Variants in APLF observed in about 807,000 individuals in gnomAD.
The protein encoded by APLF is aprataxin and PNKP like factor.
In APLF, 61 loss-of-function variants were observed where a neutral mutation model predicts 55.6. That is an observed-to-expected ratio of 1.10 (90% CI 0.89 to 1.36). The LOEUF is 1.36. Among genes scored for constraint, APLF ranks in the 40% most tolerant of loss-of-function variants. The pLI, the probability that APLF is intolerant of heterozygous loss-of-function variation, is 0.00. For synonymous variants in APLF, 207 were observed against 214.8 expected, an observed-to-expected ratio of 0.96 and a Z score of 0.32; for missense variants, 611 against 602.5, an observed-to-expected ratio of 1.01 and a Z score of -0.15.
rs1676069273 is a variant in APLF at position 68,484,614 on chromosome 2, C to A, written c.97-5576C>A. 3.3e-5 allele frequency among the ~76,000 whole-genome samples: 5 copies of A among 151,656 alleles called. No homozygotes were observed. The South Asian group carries it at 1.0e-3, about 32-fold the overall frequency. On this transcript the variant is annotated intron_variant, in intron 1 of 9. Coordinates refer to ENST00000303795, the MANE Select transcript of APLF (RefSeq NM_173545.3). ...GGCTGAGGCAGGAGAATAGCTTGAA[C>A]CTGGGAGGCAGAGTTTACAGTGAGC...
At chr2:68,487,057 T>C (rs1172279982) in intron 1 of APLF, among the ~76,000 whole-genome samples, 2 of 152,200 alleles carry the variant, frequency 1.3e-5, no homozygotes, top group Non-Finnish European at 2.9e-5. Context: ...GTCAGTGTGC[T>C]GTCTACTAAA....
intron 1 of APLF, 48 bp downstream of exon 1, chr2:68,467,875 G>A: frequency 8.2e-7 from 1 of 1,216,566 alleles, no homozygotes; most frequent in South Asian, 4.2e-5. Flanking sequence ...GTGGAGTTCC[G>A]CGCCGGCTCC....
chr2:68,488,220 A>T lies in APLF; in HGVS notation c.97-1970A>T, dbSNP rs548778966. Among the ~76,000 whole-genome samples the T allele has an allele frequency of 8.5e-5, 13 of 152,182 alleles. 1 individual carries two copies. In the East Asian group the frequency reaches 2.3e-3, roughly 27 times the overall value. ...ATGGAAGTAACAATGAGATTTTGGT[A>T]CCCAAGTCAGAAATAGGAACTGCTT... On this transcript the variant is annotated intron_variant, in intron 1 of 9. Coordinates refer to ENST00000303795, the MANE Select transcript of APLF (RefSeq NM_173545.3).
chr2:68,570,690 T>A (rs1479120021), intron 9 of APLF, among the ~76,000 whole-genome samples: 1 of 152,192 alleles, frequency 6.6e-6, no homozygotes, highest in African/African-American at 2.4e-5. Context: ...ATCCAGTCTA[T>A]CATTGTTGGA....
At chr2:68,517,713 TA>T (rs1669665401) in intron 5 of APLF, among the ~76,000 whole-genome samples, 1 of 145,338 alleles carries the variant, frequency 6.9e-6, no homozygotes, top group African/African-American at 2.5e-5. Context: ...AATATATCAC[TA>T]ATATATGTTA....
intron 8 of APLF, among the ~76,000 whole-genome samples, chr2:68,557,286 G>A (rs2104043728): frequency 6.6e-6 from 1 of 152,088 alleles, no homozygotes; most frequent in Middle Eastern, 3.4e-3. Context: ...TACTGTTTAG[G>A]GAACTATGAC....
chr2:68,578,187 A>G lies in APLF; in HGVS notation c.*165A>G, dbSNP rs1558559520. 5.2e-5 allele frequency: 71 copies of G among 1,376,838 alleles called. 2 individuals carry two copies. In the South Asian group the frequency reaches 1.1e-3, roughly 21 times the overall value. 85.3% of individuals were successfully genotyped at this position (1,376,838 alleles called of 1,614,324 possible). ...ATGAGACATTGAAACGTCAGCCTTC[A>G]GTATAATAGATGGAATTTTTTGTTG... On this transcript the variant is annotated 3_prime_UTR_variant, in exon 10 of 10. Coordinates refer to ENST00000303795, the MANE Select transcript of APLF (RefSeq NM_173545.3).
intron 6 of APLF, among the ~76,000 whole-genome samples, chr2:68,534,862 C>A (rs550593921): frequency 3.3e-5 from 5 of 152,312 alleles, no homozygotes; most frequent in African/African-American, 1.2e-4. Flanking sequence ...AGCTCCTGAG[C>A]TTTTTAATTG....
chr2:68,513,028 C>A (rs573932618), intron 3 of APLF, 52 bp from the exon 4 acceptor site: 7 of 1,512,826 alleles, frequency 4.6e-6, no homozygotes, highest in Non-Finnish European at 5.4e-6. Context: ...TCTAAGGCAG[C>A]AGAAGTGTGT....
intron 6 of APLF, among the ~76,000 whole-genome samples, chr2:68,536,507 G>C (rs1342940866): frequency 6.6e-6 from 1 of 152,078 alleles, no homozygotes; most frequent in African/African-American, 2.4e-5. Flanking sequence ...TCACATCCTA[G>C]AAATGGTTAC....
intron 1 of APLF, among the ~76,000 whole-genome samples, chr2:68,468,912 A>G (rs996156800): frequency 5.3e-5 from 8 of 151,906 alleles, no homozygotes; most frequent in Non-Finnish European, 1.0e-4. Context: ...AACCATTGGT[A>G]CTTGCCTTAG....
At chr2:68,571,256 C>G (rs1671452604) in intron 9 of APLF, among the ~76,000 whole-genome samples, 2 of 152,092 alleles carry the variant, frequency 1.3e-5, no homozygotes, top group Non-Finnish European at 1.5e-5. Flanking sequence ...CCTGTTCACT[C>G]TGATGGTAGT....
At chr2:68,507,936 T>C (rs943021214) in intron 3 of APLF, among the ~76,000 whole-genome samples, 7 of 151,868 alleles carry the variant, frequency 4.6e-5, no homozygotes, top group African/African-American at 1.7e-4. Context: ...AAATAACTAC[T>C]AATTTTAATC....
chr2:68,486,850 A>G (rs1676192036), intron 1 of APLF, among the ~76,000 whole-genome samples: 1 of 152,138 alleles, frequency 6.6e-6, no homozygotes, highest in Admixed American at 6.5e-5. Context: ...TGAAGTTTTA[A>G]TTTAAACTTG....
In APLF at chr2:68,526,231, A is replaced by G. The variant is rs1308078081; in HGVS notation, c.793A>G (p.Ile265Val). Residue 265 changes from isoleucine to valine, a missense_variant, in exon 6 of 10, where the codon ATT (isoleucine) becomes GTT (valine). Physicochemically the swap from Ile to Val is conservative, Grantham distance 29. Transcript: ENST00000303795. ...AAATACTGATCAGGAAGAGTCTACCATTTCATCCAAGGTGATTTTAAAAAA... is the reference window on the plus strand; with the variant it reads ...AAATACTGATCAGGAAGAGTCTACCGTTTCATCCAAGGTGATTTTAAAAAA... ...CKNTDQEESTISSKEMPQSFS... is the reference protein window; with the variant it reads ...CKNTDQEESTVSSKEMPQSFS... The G allele has an allele frequency of 2.5e-6, 4 of 1,601,572 alleles. No individual in the cohort carries two copies. The highest frequency in any genetic ancestry group is 3.4e-6 in the Non-Finnish European group (4 of 1,176,278).
chr2:68,538,610 G>A (rs1169156555), intron 7 of APLF, among the ~76,000 whole-genome samples: 1 of 151,580 alleles, frequency 6.6e-6, no homozygotes, highest in South Asian at 2.1e-4. Context: ...TTGTATTTAG[G>A]TGTCTTTTCT....
intron 6 of APLF, among the ~76,000 whole-genome samples, chr2:68,535,986 C>T (rs1670374359): frequency 6.6e-6 from 1 of 152,110 alleles, no homozygotes; most frequent in Admixed American, 6.6e-5. Context: ...ATCTGTTAGC[C>T]AGTGGATTTG....
chr2:68,480,544 C>T (rs960350522), intron 1 of APLF, among the ~76,000 whole-genome samples: 6 of 151,860 alleles, frequency 4.0e-5, no homozygotes, highest in African/African-American at 1.5e-4. Flanking sequence ...CCTTGTGATC[C>T]ACCCACCTTG....
At chr2:68,498,308 G>A (rs111404969) in intron 2 of APLF, among the ~76,000 whole-genome samples, 3,910 of 152,226 alleles carry the variant, frequency 0.026, 67 homozygotes, top group South Asian at 0.043. Context: ...AAATGAATAT[G>A]GCAAATGTTT....
Sources: allele counts gnomAD v4.1 joint callset (sites outside exome capture counted in the v4.1 genomes callset), GRCh38; gene constraint gnomAD v4.1.1; transcripts MANE v1.5; gene names NCBI Gene and HGNC (gene_info 2026-07-23, HGNC 2026-07-21).